STK31: variants seen among roughly 807,000 people sequenced by gnomAD.
STK31 encodes serine/threonine-protein kinase 31.
A neutral mutation model predicts 129.7 loss-of-function variants in STK31; 89 were observed. The observed-to-expected ratio is 0.69, with a 90% confidence interval of 0.58 to 0.82. The LOEUF (loss-of-function observed/expected upper bound fraction) is 0.82, where lower values mean the gene tolerates loss of function less well. Among genes scored for constraint, STK31 ranks in the 40% least tolerant of loss-of-function variants. The pLI, the probability that STK31 is intolerant of heterozygous loss-of-function variation, is 0.00. For missense variants in STK31, 1,187 were observed against 1,176.4 expected, an observed-to-expected ratio of 1.01 and a Z score of -0.13; for synonymous variants, 448 against 395.3, an observed-to-expected ratio of 1.13 and a Z score of -1.58.
intron 22 of STK31, among the ~76,000 whole-genome samples, chr7:23,812,741 C>T (rs140375424): frequency 1.3e-5 from 2 of 151,632 alleles, no homozygotes; most frequent in African/African-American, 4.8e-5. Context: ...TTATTTAGCT[C>T]CTACTTATAA....
At chr7:23,791,673 A>T (rs1342077386) in intron 22 of STK31, among the ~76,000 whole-genome samples, 1 of 152,254 alleles carries the variant, frequency 6.6e-6, no homozygotes, top group Non-Finnish European at 1.5e-5. Context: ...CTGCTATTTT[A>T]CGTAGAGAAT....
chr7:23,748,708 A>G (rs574921711), intron 8 of STK31, among the ~76,000 whole-genome samples: 1 of 152,338 alleles, frequency 6.6e-6, no homozygotes, highest in East Asian at 1.9e-4. Context: ...TTTTCCTAAT[A>G]ACATTTTCTT....
intron 23 of STK31, among the ~76,000 whole-genome samples, chr7:23,820,031 C>T (rs1793708304): frequency 1.3e-5 from 2 of 152,306 alleles, no homozygotes; most frequent in African/African-American, 4.8e-5. Context: ...TGACCAGTAC[C>T]TTGTTAAAAG....
In STK31 at chr7:23,817,192, A is replaced by T. The variant is rs560063875; in HGVS notation, c.2829+1980A>T. Among the ~76,000 whole-genome samples the T allele has an allele frequency of 1.3e-3, 198 of 151,958 alleles. 1 individual carries two copies. Among genetic ancestry groups the T allele is most frequent in the African/African-American group, 4.4e-3 (184 of 41,426 alleles). ...GACAGAACAAGACTTTGTCTCAAAA[A>T]AAAAAAAATAATAATAATAATCTGC... is the stretch of plus-strand genomic sequence containing the variant. On this transcript the variant is annotated intron_variant, in intron 23 of 23. Transcript: ENST00000355870.
chr7:23,751,961 G>C (rs1187024935), intron 8 of STK31, among the ~76,000 whole-genome samples: 1 of 151,918 alleles, frequency 6.6e-6, no homozygotes, highest in Admixed American at 6.6e-5. Context: ...GGTTTCTGGG[G>C]GCTTGGGGGA....
intron 23 of STK31, among the ~76,000 whole-genome samples, chr7:23,822,836 A>G (rs1224995174): frequency 1.3e-5 from 2 of 152,070 alleles, no homozygotes; most frequent in African/African-American, 4.8e-5. Context: ...TGTGAGTGAG[A>G]ATATGTGGTG....
rs1437613074 is a variant in STK31 at position 23,762,876 on chromosome 7, C to T, written c.1369C>T (p.Leu457=). 5.6e-6 allele frequency: 9 copies of T among 1,607,958 alleles called. No homozygotes were observed. The African/African-American group carries it at 1.2e-4, about 22-fold the overall frequency. Residue 457 remains leucine (L), a synonymous_variant, in exon 11 of 24, where the codon CTG becomes TTG. Coordinates refer to ENST00000355870, the MANE Select transcript of STK31 (RefSeq NM_031414.5). ...KLYMSVEDFI[L]EVDESSLNKR... The stretch of plus-strand genomic sequence containing the variant: ...GTACATGTCAGTAGAAGATTTTATT[C>T]TGGAAGTTGATGAGTCATCTCTTAA...
At chr7:23,825,644 T>C (rs967858039) in intron 23 of STK31, among the ~76,000 whole-genome samples, 2 of 152,208 alleles carry the variant, frequency 1.3e-5, no homozygotes, top group African/African-American at 4.8e-5. Context: ...CTGCTAGCTT[T>C]TGAAGGTGTT....
intron 3 of STK31, among the ~76,000 whole-genome samples, chr7:23,716,862 A>G (rs1786360723): frequency 7.0e-6 from 1 of 143,108 alleles, no homozygotes. Context: ...TAGTGTGCTC[A>G]TGGCTCATTG....
chr7:23,711,282 C>G (rs1373043488), intron 1 of STK31, among the ~76,000 whole-genome samples: 1 of 152,026 alleles, frequency 6.6e-6, no homozygotes, highest in African/African-American at 2.4e-5. Context: ...ACTAAAAATA[C>G]AAAAATTAGC....
intron 22 of STK31, among the ~76,000 whole-genome samples, chr7:23,800,212 A>G (rs1428167549): frequency 6.6e-6 from 1 of 152,212 alleles, no homozygotes; most frequent in Non-Finnish European, 1.5e-5. Context: ...ATACCATTTG[A>G]CCCAGCAATC....
chr7:23,723,185 T>G (rs1264035274), intron 4 of STK31, among the ~76,000 whole-genome samples: 1 of 152,208 alleles, frequency 6.6e-6, no homozygotes, highest in Non-Finnish European at 1.5e-5. Flanking sequence ...CTGTTCCTAT[T>G]CGGCCATCTT....
chr7:23,791,216 A>C, intron 22 of STK31: 1 of 953,574 alleles, frequency 1.0e-6, no homozygotes. Context: ...ATTAATCTGA[A>C]AGCAGTTCAT....
chr7:23,754,624 A>G, intron 10 of STK31, 150 bp downstream of exon 10: 1 of 810,306 alleles, frequency 1.2e-6, no homozygotes, highest in Non-Finnish European at 1.9e-6. Flanking sequence ...AGTTTGCTGC[A>G]CCTGTCCTCT....
Position 23,786,443 on chromosome 7 carries a change from A to G in STK31, c.2275-65A>G, listed in dbSNP as rs962281601. 5.2e-5 allele frequency: 72 copies of G among 1,394,956 alleles called. 1 individual carries two copies. Among genetic ancestry groups the G allele is most frequent in the Non-Finnish European group, 6.5e-5 (68 of 1,050,046 alleles). 86.4% of individuals were successfully genotyped at this position (1,394,956 alleles called of 1,614,324 possible). A position where few individuals can be genotyped will look rare whatever the true frequency, so the allele number is the denominator to read the frequency against. On this transcript the variant is annotated intron_variant, in intron 18 of 23. Transcript: ENST00000355870. ...AAATAATGAATTATGTTTAAATTGGAATGATGTATAATTATAATGAGATTT... is the reference window on the plus strand; with the variant it reads ...AAATAATGAATTATGTTTAAATTGGGATGATGTATAATTATAATGAGATTT...
At chr7:23,780,880 G>T (rs1790882760) in intron 15 of STK31, among the ~76,000 whole-genome samples, 1 of 152,206 alleles carries the variant, frequency 6.6e-6, no homozygotes, top group South Asian at 2.1e-4. Flanking sequence ...AAGCTGGTTT[G>T]CCTGACACAG....
At chr7:23,718,651 ATTG>A (rs1786502896) in intron 4 of STK31, among the ~76,000 whole-genome samples, 1 of 152,048 alleles carries the variant, frequency 6.6e-6, no homozygotes, top group Non-Finnish European at 1.5e-5. Context: ...ATTCATTTAT[ATTG>A]TTGTGTGTAT....
chr7:23,825,991 A>C (rs1198250743), intron 23 of STK31, among the ~76,000 whole-genome samples: 2 of 152,090 alleles, frequency 1.3e-5, no homozygotes, highest in Admixed American at 1.3e-4. Context: ...GTTCTTTTAC[A>C]TTTGCTGAGG....
At chr7:23,745,480 T>A (rs1375792949) in intron 8 of STK31, among the ~76,000 whole-genome samples, 2 of 152,204 alleles carry the variant, frequency 1.3e-5, no homozygotes, top group Admixed American at 6.5e-5. Flanking sequence ...ACATGTACTT[T>A]GCTCTTACAT....
Sources: allele counts gnomAD v4.1 joint callset (sites outside exome capture counted in the v4.1 genomes callset), GRCh38; gene constraint gnomAD v4.1.1; transcripts MANE v1.5; gene names NCBI Gene and HGNC (gene_info 2026-07-23, HGNC 2026-07-21).